Variants in GCN1 observed in about 807,000 individuals in gnomAD.
The protein encoded by GCN1 is GCN1 activator of EIF2AK4.
In GCN1, 90 loss-of-function variants were observed where a neutral mutation model predicts 288.4. The observed-to-expected ratio is 0.31, with a 90% CI of 0.26 to 0.37. GCN1 has a LOEUF of 0.37. Ranked by LOEUF, GCN1 falls within the 10% of genes least tolerant of loss-of-function variation. The pLI is 1.00. For synonymous variants in GCN1, 1,386 were observed against 1,420.2 expected, an observed-to-expected ratio of 0.98 and a Z score of 0.54; for missense variants, 2,586 against 3,419.9, an observed-to-expected ratio of 0.76 and a Z score of 6.08.
intron 55 of GCN1, 148 bp from the exon 56 acceptor site, chr12:120,130,901 C>G (rs1876796584): frequency 3.2e-6 from 2 of 618,952 alleles, no homozygotes; most frequent in Non-Finnish European, 2.9e-6. Context: ...GCAGGCTGCC[C>G]CGGCTGAGGC....
At chr12:120,165,728 C>T (rs992075842) in intron 16 of GCN1, among the ~76,000 whole-genome samples, 2 of 151,564 alleles carry the variant, frequency 1.3e-5, no homozygotes, top group African/African-American at 4.9e-5. Context: ...TCCACTTCAG[C>T]CTCTCAAGGT....
rs1028528964 is a variant in GCN1 at position 120,134,133 on chromosome 12, G to A, written c.7317+158C>T. The stretch of plus-strand genomic sequence containing the variant: ...ACCTGCCCCGTTTCCCTTGAAACCC[G>A]AGGAAATGTTGGTGAAGCATACAGG... On this transcript the variant is annotated intron_variant, in intron 53 of 57. Transcript: ENST00000300648. The surrounding 1 kb of genome is among the most constrained non-coding windows in gnomAD (Gnocchi z 5.0). 6.6e-6 allele frequency among the ~76,000 whole-genome samples: 1 copy of A among 152,134 alleles called. No homozygotes were observed. Among genetic ancestry groups the A allele is most frequent in the South Asian group, 2.1e-4 (1 of 4,830 alleles).
At chr12:120,187,213 C>CTT (rs869025899) in intron 2 of GCN1, among the ~76,000 whole-genome samples, 6 of 135,296 alleles carry the variant, frequency 4.4e-5, no homozygotes, top group Admixed American at 1.5e-4. Context: ...CCATGATTTT[C>CTT]TTTTTTTTTT....
intron 34 of GCN1, among the ~76,000 whole-genome samples, chr12:120,150,244 A>C (rs1333293340): frequency 6.6e-6 from 1 of 152,146 alleles, no homozygotes; most frequent in African/African-American, 2.4e-5. Flanking sequence ...AATGTGGCTG[A>C]GCGAAAGGGA....
chr12:120,143,373 G>A (rs956548286), intron 42 of GCN1, among the ~76,000 whole-genome samples: 23 of 151,984 alleles, frequency 1.5e-4, no homozygotes, highest in African/African-American at 2.7e-4. Flanking sequence ...ACCTGAGGTC[G>A]GGGGTTCGAG....
Position 120,170,155 on chromosome 12 carries a change from C to T in GCN1, c.1519+14G>A. 4.3e-6 allele frequency: 7 copies of T among 1,612,846 alleles called. No homozygotes were observed. The highest frequency in any genetic ancestry group is 5.9e-6 in the Non-Finnish European group (7 of 1,178,832). ...CCCCTGTCTCTACCATCCTAGACAC[C>T]TCTGGACTCATACCAGCCTGTGAGT... On this transcript the variant is annotated intron_variant, in intron 15 of 57. Coordinates refer to ENST00000300648, the MANE Select transcript of GCN1 (RefSeq NM_006836.2).
At chr12:120,177,586 C>T (rs751846825) in intron 8 of GCN1, 31 bp from the exon 9 acceptor site, 89 of 1,549,354 alleles carry the variant, frequency 5.7e-5, no homozygotes, top group Non-Finnish European at 7.5e-5. Context: ...GGCACCTAGC[C>T]CTCATGGGAA....
At chr12:120,165,002 T>TATACACACACACACACACAC (rs533586250) in intron 16 of GCN1, among the ~76,000 whole-genome samples, 23 of 136,888 alleles carry the variant, frequency 1.7e-4, no homozygotes, top group African/African-American at 6.2e-4. Context: ...TACACATATA[T>TATACACACACACACACACAC]ACACACACAC....
intron 9 of GCN1, among the ~76,000 whole-genome samples, chr12:120,177,146 TC>T (rs1477189950): frequency 1.3e-5 from 2 of 152,108 alleles, no homozygotes; most frequent in Admixed American, 1.3e-4. Flanking sequence ...CACTGCAACT[TC>T]CACTTCCTGG....
chr12:120,164,998 T>TACAC (rs1172947677), intron 16 of GCN1, among the ~76,000 whole-genome samples: 5 of 64,662 alleles, frequency 7.7e-5, no homozygotes, highest in African/African-American at 2.1e-4. Context: ...TATATACACA[T>TACAC]ATATACACAC....
chr12:120,192,202 G>C (rs1879024218), intron 1 of GCN1, among the ~76,000 whole-genome samples: 1 of 152,114 alleles, frequency 6.6e-6, no homozygotes, highest in African/African-American at 2.4e-5. Flanking sequence ...TACATTTAGG[G>C]AGATCAGGTA....
intron 1 of GCN1, among the ~76,000 whole-genome samples, chr12:120,192,027 G>A (rs770505205): frequency 5.3e-5 from 8 of 152,116 alleles, no homozygotes; most frequent in Non-Finnish European, 1.2e-4. Flanking sequence ...TACATTATAT[G>A]TAAATGGCAT....
intron 5 of GCN1, 51 bp downstream of exon 5, chr12:120,183,518 A>T: frequency 1.8e-6 from 2 of 1,139,636 alleles, no homozygotes; most frequent in Non-Finnish European, 2.7e-6. Flanking sequence ...ACATGCTCTA[A>T]CTCCTGGCAG....
chr12:120,143,594 A>AG (rs1358729360), intron 42 of GCN1, among the ~76,000 whole-genome samples: 53 of 152,180 alleles, frequency 3.5e-4, no homozygotes, highest in Middle Eastern at 3.4e-3. Context: ...AAAGGAAAAA[A>AG]AAAAAAAAAA....
At chr12:120,188,440 G>GAAAAAA (rs1229562559) in intron 2 of GCN1, among the ~76,000 whole-genome samples, 3 of 115,756 alleles carry the variant, frequency 2.6e-5, no homozygotes, top group South Asian at 2.6e-4. Flanking sequence ...TCTCACCAAA[G>GAAAAAA]AAAAAAAAAA....
chr12:120,138,886 T>C (rs768067742), intron 45 of GCN1, 30 bp from the exon 46 acceptor site: 26 of 1,578,520 alleles, frequency 1.6e-5, no homozygotes, highest in Admixed American at 1.1e-4. Context: ...CTGTACCAGA[T>C]GCAGGAAAGG....
chr12:120,162,792 T>A, intron 20 of GCN1, 55 bp downstream of exon 20: 1 of 1,584,540 alleles, frequency 6.3e-7, no homozygotes, highest in Non-Finnish European at 8.6e-7. Flanking sequence ...CTGTACACTG[T>A]GATGAGAGGG....
intron 14 of GCN1, among the ~76,000 whole-genome samples, chr12:120,172,868 T>C (rs1157308039): frequency 6.6e-6 from 1 of 152,142 alleles, no homozygotes; most frequent in Non-Finnish European, 1.5e-5. Context: ...AATACAAGCA[T>C]ATCTCTGAGA....
rs1041582686 is a variant in GCN1, at chr12:120,156,696, C to T, written c.3169-92G>A. On this transcript the variant is annotated intron_variant, in intron 27 of 57. Coordinates refer to ENST00000300648, the MANE Select transcript of GCN1 (RefSeq NM_006836.2). The surrounding 1 kb of genome is among the most constrained non-coding windows in gnomAD (Gnocchi z 5.8). ...TATGCACTGAGAACACCCACCCCTA[C>T]AGCACTGCAAGGGCTAAGACCCCAG... The T allele has an allele frequency of 7.4e-5, 97 of 1,304,744 alleles. No individual in the cohort carries two copies. The highest frequency in any genetic ancestry group is 1.0e-4 in the Non-Finnish European group (93 of 919,628). 80.8% of individuals were successfully genotyped at this position (1,304,744 alleles called of 1,614,324 possible).
Sources: allele counts gnomAD v4.1 joint callset (sites outside exome capture counted in the v4.1 genomes callset), GRCh38; gene constraint gnomAD v4.1.1; non-coding constraint Gnocchi (gnomAD v3.1); transcripts MANE v1.5; gene names NCBI Gene and HGNC (gene_info 2026-07-23, HGNC 2026-07-21).